MPP3: variants seen among roughly 807,000 people sequenced by gnomAD.
The protein encoded by MPP3 is MAGUK p55 subfamily member 3.
A neutral mutation model predicts 80.7 loss-of-function variants in MPP3; 48 were observed. The ratio of observed to expected loss-of-function variants is 0.59; its 90% confidence interval spans 0.47 to 0.76. The LOEUF (loss-of-function observed/expected upper bound fraction) is 0.76. Ranked by LOEUF, MPP3 falls within the 30% of genes least tolerant of loss-of-function variation. MPP3 has a pLI of 0.00. For missense variants in MPP3, 620 were observed against 763.0 expected, an observed-to-expected ratio of 0.81 and a Z score of 2.21; for synonymous variants, 311 against 297.6, an observed-to-expected ratio of 1.04 and a Z score of -0.46.
At chr17:43,804,690 T>G (rs2044542901) in intron 19 of MPP3, among the ~76,000 whole-genome samples, 1 of 152,210 alleles carries the variant, frequency 6.6e-6, no homozygotes, top group Non-Finnish European at 1.5e-5. Context: ...ATAGATACAT[T>G]GGACTTTATC....
intron 16 of MPP3, among the ~76,000 whole-genome samples, chr17:43,811,850 C>T (rs927538226): frequency 9.8e-5 from 15 of 152,300 alleles, no homozygotes; most frequent in East Asian, 9.7e-4. Flanking sequence ...GCCTCAGCCT[C>T]CCAAAGTGCT....
intron 14 of MPP3, chr17:43,814,612 C>T: frequency 2.6e-6 from 1 of 380,306 alleles, no homozygotes; most frequent in Non-Finnish European, 4.7e-6. Context: ...TTGGACAAGT[C>T]CCTTCATCTC....
chr17:43,818,270 G>C (rs139558328), intron 11 of MPP3, among the ~76,000 whole-genome samples, 160 bp from the exon 12 acceptor site: 8 of 152,318 alleles, frequency 5.3e-5, no homozygotes, highest in African/African-American at 1.9e-4. Context: ...TTCCAACGAA[G>C]GGAACACTTT....
At chr17:43,815,981 C>T in intron 14 of MPP3, 57 bp downstream of exon 14, 1 of 1,434,418 alleles carries the variant, frequency 7.0e-7, no homozygotes, top group Non-Finnish European at 9.2e-7. Flanking sequence ...CTCTCCCTAA[C>T]TCTGGGGCCT....
At chr17:43,806,445 C>T (rs149150116) in intron 19 of MPP3, among the ~76,000 whole-genome samples, 72 of 152,206 alleles carry the variant, frequency 4.7e-4, no homozygotes, top group African/African-American at 1.6e-3. Context: ...GGATTACAGG[C>T]GTGAGCCACC....
chr17:43,827,180 C>A (rs1598363313), intron 8 of MPP3, among the ~76,000 whole-genome samples: 1 of 152,014 alleles, frequency 6.6e-6, no homozygotes, highest in East Asian at 1.9e-4. Flanking sequence ...CCAAGCCTGG[C>A]TAATTTTGTA....
intron 10 of MPP3, 67 bp from the exon 11 acceptor site, chr17:43,821,125 C>G: frequency 1.3e-6 from 2 of 1,490,636 alleles, no homozygotes; most frequent in Non-Finnish European, 1.8e-6. Flanking sequence ...ATTGTCACAT[C>G]AAAGGCCACA....
intron 19 of MPP3, among the ~76,000 whole-genome samples, chr17:43,802,234 T>A (rs1235398830): frequency 6.6e-6 from 1 of 152,192 alleles, no homozygotes; most frequent in East Asian, 1.9e-4. Context: ...TCCAAAGAAG[T>A]AGTAGTATTG....
chr17:43,829,013 C>T (rs2045839927), intron 7 of MPP3, among the ~76,000 whole-genome samples: 1 of 152,178 alleles, frequency 6.6e-6, no homozygotes, highest in Non-Finnish European at 1.5e-5. Flanking sequence ...CTGTGGGATC[C>T]TCTGGAGCCA....
chr17:43,810,925 C>T lies in MPP3; in HGVS notation c.1350-10G>A, dbSNP rs200751334. On this transcript the variant is annotated splice_polypyrimidine_tract_variant and intron_variant, in intron 17 of 19. Transcript: ENST00000398389. Reference sequence around the variant, plus strand: ...ACCATGTTCCAGGAACCTAAAACACCACCAAAGGGGAAAAGGCCTTTAGTT... The same window carrying T: ...ACCATGTTCCAGGAACCTAAAACACTACCAAAGGGGAAAAGGCCTTTAGTT... 6.3e-7 allele frequency: 1 copy of T among 1,587,660 alleles called. No individual in the cohort carries two copies. The highest frequency in any genetic ancestry group is 2.2e-5 in the East Asian group (1 of 44,726).
intron 11 of MPP3, among the ~76,000 whole-genome samples, chr17:43,819,998 G>A (rs568565404): frequency 6.6e-6 from 1 of 152,196 alleles, no homozygotes; most frequent in African/African-American, 2.4e-5. Context: ...AGGCTGGAGT[G>A]CAGTGGTGTG....
chr17:43,831,135 T>C, intron 5 of MPP3, 109 bp downstream of exon 5: 1 of 1,005,868 alleles, frequency 9.9e-7, no homozygotes, highest in Middle Eastern at 2.6e-4. Context: ...CTCTTCACCT[T>C]TGGGCTCCTG....
At chr17:43,828,368 G>A (rs772884049) in intron 7 of MPP3, among the ~76,000 whole-genome samples, 3 of 152,194 alleles carry the variant, frequency 2.0e-5, no homozygotes, top group Non-Finnish European at 4.4e-5. Context: ...GATGAGAAAG[G>A]CACTAACGAG....
At chr17:43,818,007 G>T (rs993233152) in intron 12 of MPP3, 39 bp downstream of exon 12, 1 of 1,493,432 alleles carries the variant, frequency 6.7e-7, no homozygotes, top group East Asian at 2.7e-5. Flanking sequence ...CCCTAACCCC[G>T]GGCCCTCCCT....
Position 43,809,055 on chromosome 17 carries a change from T to C in MPP3, c.1482A>G (p.Ser494=). 2 of 1,596,734 alleles carry C rather than the reference T, an allele frequency of 1.3e-6. No homozygotes were observed. Among genetic ancestry groups the C allele is most frequent in the South Asian group, 1.2e-5 (1 of 86,900 alleles). The change falls in exon 19 of 20, where the codon TCA becomes TCG. Residue 494 remains serine (S), a synonymous_variant. Transcript: ENST00000398389. ...CAAATATAATATAGGGTTTAAATTC[T>C]GAGGTCCTCAGTTGTTTCAGTGCCT... ...EPEALKQLRT[S]EFKPYIIFVK... is the part of the protein sequence containing the mutation.
rs867258321 is a variant in MPP3, at chr17:43,828,878, T to C, written c.441+776A>G. 3.3e-5 allele frequency among the ~76,000 whole-genome samples: 5 copies of C among 152,292 alleles called. 1 individual carries two copies. In the Middle Eastern group the frequency reaches 0.014, roughly 414 times the overall value. Reference sequence around the variant, plus strand: ...ATAGGAGGGCTCACAATGTGTTTGCTAAATCAATGGATGGCCACTCCATTT... The same window carrying C: ...ATAGGAGGGCTCACAATGTGTTTGCCAAATCAATGGATGGCCACTCCATTT... On this transcript the variant is annotated intron_variant, in intron 7 of 19. Coordinates refer to ENST00000398389, the MANE Select transcript of MPP3 (RefSeq NM_001932.6).
intron 5 of MPP3, among the ~76,000 whole-genome samples, chr17:43,830,474 C>CAGCT (rs2045912624): frequency 6.6e-6 from 1 of 152,236 alleles, no homozygotes; most frequent in South Asian, 2.1e-4. Flanking sequence ...ATATACAGCA[C>CAGCT]AGCTAGGATT....
intron 9 of MPP3, chr17:43,825,471 A>C (rs1176354984): frequency 3.1e-6 from 1 of 323,130 alleles, no homozygotes; most frequent in Admixed American, 4.6e-5. Flanking sequence ...ATTCACACCC[A>C]GGACCCAGGA....
chr17:43,813,117 G>A (rs2044946412), intron 16 of MPP3, among the ~76,000 whole-genome samples: 1 of 152,196 alleles, frequency 6.6e-6, no homozygotes, highest in Admixed American at 6.5e-5. Context: ...TGAGGCCAGG[G>A]GGACTGAGAG....
Sources: allele counts gnomAD v4.1 joint callset (sites outside exome capture counted in the v4.1 genomes callset), GRCh38; gene constraint gnomAD v4.1.1; transcripts MANE v1.5; gene names NCBI Gene and HGNC (gene_info 2026-07-23, HGNC 2026-07-21).